ZBTB44: variants seen among roughly 807,000 people sequenced by gnomAD.
ZBTB44 encodes zinc finger and BTB domain containing 44, also known as zinc finger and BTB domain-containing protein 44.
In ZBTB44, 15 loss-of-function variants were observed where a neutral mutation model predicts 54.0. The ratio of observed to expected loss-of-function variants is 0.28; its 90% confidence interval spans 0.19 to 0.43. The LOEUF (loss-of-function observed/expected upper bound fraction) is 0.43. Among genes scored for constraint, ZBTB44 ranks in the 20% least tolerant of loss-of-function variants. The pLI, the probability that ZBTB44 is intolerant of heterozygous loss-of-function variation, is 1.00. For synonymous variants in ZBTB44, 230 were observed against 250.1 expected (o/e 0.92, Z 0.76); for missense variants, 487 against 707.1 (o/e 0.69, Z 3.53).
chr11:130,276,671 T>C (rs374897146), intron 1 of ZBTB44, among the ~76,000 whole-genome samples: 5 of 152,140 alleles, frequency 3.3e-5, no homozygotes, highest in African/African-American at 1.2e-4. Context: ...CTAAGTGATC[T>C]GTCCGCCTCG....
At chr11:130,305,710 T>G (rs1036441832) in intron 1 of ZBTB44, among the ~76,000 whole-genome samples, 4 of 152,142 alleles carry the variant, frequency 2.6e-5, no homozygotes, top group African/African-American at 7.2e-5. Flanking sequence ...AAAGAATTCA[T>G]GACCAAAAAA....
intron 1 of ZBTB44, among the ~76,000 whole-genome samples, chr11:130,299,502 G>A (rs902071100): frequency 2.0e-5 from 3 of 150,440 alleles, no homozygotes; most frequent in Non-Finnish European, 4.4e-5. Context: ...GCAGTGAGCC[G>A]AGACCGTGCC....
At chr11:130,247,739 G>C (rs1396793957) in intron 2 of ZBTB44, among the ~76,000 whole-genome samples, 1 of 152,032 alleles carries the variant, frequency 6.6e-6, no homozygotes, top group Non-Finnish European at 1.5e-5. Context: ...ACATAAGCCA[G>C]TGAGAAAAAA....
chr11:130,280,814 A>G (rs1356801659), intron 1 of ZBTB44, among the ~76,000 whole-genome samples: 1 of 152,200 alleles, frequency 6.6e-6, no homozygotes, highest in Non-Finnish European at 1.5e-5. Context: ...TCTCTCAATA[A>G]GAAGTTTTGT....
At chr11:130,290,800 T>C (rs906611339) in intron 1 of ZBTB44, among the ~76,000 whole-genome samples, 24 of 152,312 alleles carry the variant, frequency 1.6e-4, no homozygotes, top group Non-Finnish European at 2.6e-4. Context: ...CCCATTACAT[T>C]GATGGGGAAA....
At chr11:130,243,073 C>T (rs1257564516) in intron 2 of ZBTB44, among the ~76,000 whole-genome samples, 9 of 152,186 alleles carry the variant, frequency 5.9e-5, no homozygotes, top group Admixed American at 5.9e-4. Flanking sequence ...CCATTTGGTA[C>T]TCCTTAAATC....
intron 2 of ZBTB44, among the ~76,000 whole-genome samples, chr11:130,241,173 A>G (rs1448474431): frequency 6.6e-6 from 1 of 152,210 alleles, no homozygotes; most frequent in Non-Finnish European, 1.5e-5. Context: ...TCCTTAATGC[A>G]CATAAGCATG....
In ZBTB44 at chr11:130,296,416, GA is replaced by G. The variant is rs954958100; in HGVS notation, c.-57+17958del. On this transcript the variant is annotated intron_variant, in intron 1 of 7. Coordinates refer to ENST00000357899, the MANE Select transcript of ZBTB44 (RefSeq NM_001301098.2). ...GATTTGCCCGTCTTGGCCATTCATGGAAAGCAAAAGCAAAATAAATGTACGA... is the reference window on the plus strand; with the variant it reads ...GATTTGCCCGTCTTGGCCATTCATGGAAGCAAAAGCAAAATAAATGTACGA... 6.9e-5 allele frequency: 101 copies of G among 1,454,570 alleles called. No homozygotes were observed. In the African/African-American group the frequency reaches 1.3e-3, roughly 19 times the overall value. 90.1% of individuals were successfully genotyped at this position (1,454,570 alleles called of 1,614,324 possible).
chr11:130,240,370 T>A (rs672978), intron 2 of ZBTB44, among the ~76,000 whole-genome samples: 94,460 of 151,400 alleles, frequency 0.62, 30,970 homozygotes, highest in Admixed American at 0.73. Flanking sequence ...TTTGTGATTT[T>A]AAAGAAAAAC....
intron 2 of ZBTB44, among the ~76,000 whole-genome samples, chr11:130,244,880 A>G (rs1161289825): frequency 6.6e-6 from 1 of 152,152 alleles, no homozygotes; most frequent in Non-Finnish European, 1.5e-5. Flanking sequence ...CCACTTAAGT[A>G]AAAAGCGTTT....
At chr11:130,242,869 C>T (rs1292653344) in intron 2 of ZBTB44, among the ~76,000 whole-genome samples, 1 of 152,196 alleles carries the variant, frequency 6.6e-6, no homozygotes, top group African/African-American at 2.4e-5. Flanking sequence ...ATCAAACCTA[C>T]ATTTGTTGTC....
At position 130,261,669 on chromosome 11, in the gene ZBTB44, T is replaced by C; in HGVS notation, c.205A>G (p.Lys69Glu). The change falls in exon 2 of 8, where the codon AAG becomes GAG. Residue 69 changes from lysine (K) to glutamate (E), a missense_variant. By Grantham distance (56) the Lys-to-Glu change is moderately conservative (BLOSUM62 1). Coordinates refer to ENST00000357899, the MANE Select transcript of ZBTB44 (RefSeq NM_001301098.2). This position sits in a 1 kb window ranked among gnomAD's most constrained non-coding sequence, Gnocchi z 4.8. ...ACATGATGCAGATCCAACACATTCT[T>C]GTTCTCATCCTCGGCTTGGCCTACA... The part of the protein sequence containing the change: ...KLVGQAEDEN[K>E]NVLDLHHVTV... 6.2e-7 allele frequency: 1 copy of C among 1,614,036 alleles called. No individual in the cohort carries two copies. The highest frequency in any genetic ancestry group is 1.3e-5 in the African/African-American group (1 of 75,074).
chr11:130,258,081 G>C (rs966583650), intron 2 of ZBTB44, among the ~76,000 whole-genome samples: 2 of 152,108 alleles, frequency 1.3e-5, no homozygotes, highest in Non-Finnish European at 2.9e-5. Context: ...TTTAATAGAT[G>C]CTAAAATGCT....
chr11:130,297,747 G>A (rs984435149), intron 1 of ZBTB44, among the ~76,000 whole-genome samples: 3 of 152,108 alleles, frequency 2.0e-5, no homozygotes, highest in African/African-American at 4.8e-5. Context: ...GCCTGATTTC[G>A]AACTTCAAGG....
chr11:130,235,037 T>G (rs1954046738), intron 5 of ZBTB44, among the ~76,000 whole-genome samples: 1 of 152,206 alleles, frequency 6.6e-6, no homozygotes, highest in Non-Finnish European at 1.5e-5. Context: ...CTTTTGGTAA[T>G]TGAAACTAAG....
chr11:130,261,081 T>C lies in ZBTB44; in HGVS notation c.793A>G (p.Arg265Gly), dbSNP rs746696361. 1 of 1,614,064 alleles carries C rather than the reference T, an allele frequency of 6.2e-7. No homozygotes were observed. Among genetic ancestry groups the C allele is most frequent in the East Asian group, 2.2e-5 (1 of 44,878 alleles). Reference protein sequence around the residue: ...ELPGPSETGRRMADYVTCEST... With the variant: ...ELPGPSETGRGMADYVTCEST... ...TCACAAGTCACATAATCAGCCATTC[T>C]TCTACCGGTCTCAGATGGGCCAGGT... The change falls in exon 2 of 8, where the codon AGA becomes GGA. Residue 265 changes from arginine (R) to glycine (G), a missense_variant. Physicochemically the swap from Arg to Gly is moderately radical, Grantham distance 125 (BLOSUM62 -2). Coordinates refer to ENST00000357899, the MANE Select transcript of ZBTB44 (RefSeq NM_001301098.2). This position sits in a 1 kb window ranked among gnomAD's most constrained non-coding sequence, Gnocchi z 4.8.
intron 1 of ZBTB44, among the ~76,000 whole-genome samples, chr11:130,287,353 A>C (rs1215108626): frequency 6.6e-6 from 1 of 152,224 alleles, no homozygotes; most frequent in African/African-American, 2.4e-5. Flanking sequence ...AAGAGTGTTA[A>C]CTATGCCTAT....
chr11:130,307,880 C>T (rs1022749169), intron 1 of ZBTB44, among the ~76,000 whole-genome samples: 8 of 152,158 alleles, frequency 5.3e-5, no homozygotes, highest in African/African-American at 1.9e-4. Context: ...TGCATGCCAC[C>T]ACACTTGGCT....
In ZBTB44 at chr11:130,260,998, T is replaced by C; in HGVS notation, c.876A>G (p.Glu292=). 1 of 1,613,970 alleles carries C rather than the reference T, an allele frequency of 6.2e-7. No individual in the cohort carries two copies. Among genetic ancestry groups the C allele is most frequent in the African/African-American group, 1.3e-5 (1 of 75,024 alleles). Residue 292 remains glutamate, a synonymous_variant, in exon 2 of 8, where the codon GAA becomes GAG. Coordinates refer to ENST00000357899, the MANE Select transcript of ZBTB44 (RefSeq NM_001301098.2). The part of the protein sequence containing the change: ...GTEEDVRVKV[E]RLSDEEVHEE... ...CATGGACCTCCTCATCACTTAATCTTTCTACTTTGACCCGGACATCTTCTT... is the reference window on the plus strand; with the variant it reads ...CATGGACCTCCTCATCACTTAATCTCTCTACTTTGACCCGGACATCTTCTT...
Sources: allele counts gnomAD v4.1 joint callset (sites outside exome capture counted in the v4.1 genomes callset), GRCh38; gene constraint gnomAD v4.1.1; non-coding constraint Gnocchi (gnomAD v3.1); transcripts MANE v1.5; gene names NCBI Gene and HGNC (gene_info 2026-07-23, HGNC 2026-07-21).